The following COL14A1 variants were observed in gnomAD, a reference collection of about 807,000 sequenced individuals.
COL14A1 encodes the protein collagen type XIV alpha 1 chain.
Under a neutral mutation model 230.3 loss-of-function variants are expected in COL14A1, and 136 were observed. That is an observed-to-expected ratio of 0.59 (90% CI 0.51 to 0.68). The LOEUF (loss-of-function observed/expected upper bound fraction) is 0.68. Ranked by LOEUF, COL14A1 falls within the 30% of genes least tolerant of loss-of-function variation. The probability of loss-of-function intolerance (pLI) is 0.00; values close to 1 mark genes in which losing one functional copy is unlikely to be tolerated. For missense variants in COL14A1, 1,976 were observed against 2,215.8 expected (o/e 0.89, Z 2.17); for synonymous variants, 792 against 784.1 (o/e 1.01, Z -0.17).
chr8:120,240,526 A>G (rs1462392456), intron 19 of COL14A1, among the ~76,000 whole-genome samples: 1 of 152,176 alleles, frequency 6.6e-6, no homozygotes, highest in Non-Finnish European at 1.5e-5. Context: ...ATAATAATGT[A>G]TGGCGCAGAA....
Position 120,276,866 on chromosome 8 carries a change from T to TA in COL14A1, c.3214-1239dup, listed in dbSNP as rs1158235431. 5.9e-5 allele frequency among the ~76,000 whole-genome samples: 9 copies of TA among 151,688 alleles called. 1 individual carries two copies. In the East Asian group the frequency reaches 1.5e-3, roughly 26 times the overall value. Reference sequence around the variant, plus strand: ...AAAAAATAAAATAAAATTAGGTTATTAAAAAAGAGGAGAATAGGTAACATG... The same window carrying TA: ...AAAAAATAAAATAAAATTAGGTTATTAAAAAAAGAGGAGAATAGGTAACATG... On this transcript the variant is annotated intron_variant, in intron 26 of 47. Coordinates refer to ENST00000297848, the MANE Select transcript of COL14A1 (RefSeq NM_021110.4).
intron 13 of COL14A1, among the ~76,000 whole-genome samples, chr8:120,215,222 C>T (rs1817714907): frequency 6.6e-6 from 1 of 152,042 alleles, no homozygotes; most frequent in Admixed American, 6.6e-5. Flanking sequence ...AATATAAAAA[C>T]TAGCAAGGTG....
chr8:120,184,224 GATTTATTT>G (rs10689956), intron 5 of COL14A1, among the ~76,000 whole-genome samples: 42,326 of 135,356 alleles, frequency 0.31, 6,939 homozygotes, highest in Admixed American at 0.43. Context: ...GGGGGGAAGA[GATTTATTT>G]ATTTATTTAT....
intron 4 of COL14A1, among the ~76,000 whole-genome samples, chr8:120,166,878 G>GTGTGTGTGTA (rs2130569849): frequency 1.0e-5 from 1 of 99,700 alleles, no homozygotes; most frequent in East Asian, 3.3e-4. Context: ...GAATTTAAGT[G>GTGTGTGTGTA]TGTGTGTGTG....
intron 9 of COL14A1, among the ~76,000 whole-genome samples, chr8:120,205,298 A>T (rs1483328776): frequency 6.6e-6 from 1 of 152,086 alleles, no homozygotes; most frequent in Non-Finnish European, 1.5e-5. Flanking sequence ...TATGAGTAAA[A>T]GGAAGTGGGA....
intron 32 of COL14A1, among the ~76,000 whole-genome samples, chr8:120,284,380 C>T (rs1254183653): frequency 6.6e-6 from 1 of 152,162 alleles, no homozygotes; most frequent in African/African-American, 2.4e-5. Flanking sequence ...GCTTCTTAAC[C>T]TTGTGCTCTT....
At chr8:120,242,528 A>G (rs1244822762) in intron 19 of COL14A1, among the ~76,000 whole-genome samples, 1 of 152,214 alleles carries the variant, frequency 6.6e-6, no homozygotes, top group Non-Finnish European at 1.5e-5. Context: ...TACATTTAAG[A>G]GAAACACCCT....
At chr8:120,367,461 G>T (rs1475681938) in intron 46 of COL14A1, among the ~76,000 whole-genome samples, 1 of 152,162 alleles carries the variant, frequency 6.6e-6, no homozygotes, top group Non-Finnish European at 1.5e-5. Context: ...TATTGTTTGT[G>T]TGAGTTGCGA....
intron 5 of COL14A1, among the ~76,000 whole-genome samples, chr8:120,172,260 C>T (rs148756153): frequency 4.5e-4 from 68 of 152,200 alleles, no homozygotes; most frequent in African/African-American, 1.5e-3. Flanking sequence ...TAATGAGTCT[C>T]CTGCCTCAGC....
At chr8:120,194,092 A>T (rs1216746993) in intron 5 of COL14A1, among the ~76,000 whole-genome samples, 1 of 152,180 alleles carries the variant, frequency 6.6e-6, no homozygotes, top group Non-Finnish European at 1.5e-5. Context: ...CCCTAGTGGG[A>T]TGAACCCGGT....
intron 2 of COL14A1, among the ~76,000 whole-genome samples, chr8:120,152,204 G>A (rs2130490419): frequency 6.6e-6 from 1 of 152,098 alleles, no homozygotes; most frequent in Non-Finnish European, 1.5e-5. Context: ...GCTCACGTCT[G>A]TAATCCCAGC....
At chr8:120,291,798 T>C (rs909892184) in intron 34 of COL14A1, among the ~76,000 whole-genome samples, 2 of 152,082 alleles carry the variant, frequency 1.3e-5, no homozygotes, top group Non-Finnish European at 2.9e-5. Context: ...CTTCTAGCAC[T>C]TGATTATTGA....
intron 36 of COL14A1, among the ~76,000 whole-genome samples, chr8:120,308,550 T>C (rs1467729606): frequency 5.3e-5 from 8 of 152,224 alleles, no homozygotes; most frequent in African/African-American, 1.7e-4. Context: ...TTTGTATAGA[T>C]ATAGATGCAC....
chr8:120,145,259 G>A (rs558037551), intron 1 of COL14A1, among the ~76,000 whole-genome samples: 73 of 152,160 alleles, frequency 4.8e-4, no homozygotes, highest in Non-Finnish European at 7.9e-4. Flanking sequence ...TGAGATGCAG[G>A]TGGAAGTGGA....
At chr8:120,233,808 T>C (rs925047157) in intron 19 of COL14A1, among the ~76,000 whole-genome samples, 2 of 152,240 alleles carry the variant, frequency 1.3e-5, no homozygotes, top group African/African-American at 4.8e-5. Context: ...TGGACTCTTT[T>C]TTGGTTCCAT....
chr8:120,171,398 T>A (rs1816090466), intron 5 of COL14A1, among the ~76,000 whole-genome samples: 1 of 152,214 alleles, frequency 6.6e-6, no homozygotes, highest in Non-Finnish European at 1.5e-5. Context: ...AGACCTTCTC[T>A]GTGTATCCAC....
At chr8:120,137,149 A>T (rs781543867) in intron 1 of COL14A1, among the ~76,000 whole-genome samples, 1 of 152,102 alleles carries the variant, frequency 6.6e-6, no homozygotes, top group Non-Finnish European at 1.5e-5. Flanking sequence ...TTTAATAGAT[A>T]TAGGGCTATT....
intron 24 of COL14A1, among the ~76,000 whole-genome samples, chr8:120,266,407 G>A (rs533214341): frequency 1.4e-5 from 2 of 146,396 alleles, no homozygotes; most frequent in South Asian, 4.1e-4. Context: ...CCTGGGGGAT[G>A]CAGGATGGAA....
At chr8:120,222,729 TG>T (rs1317932914) in intron 14 of COL14A1, among the ~76,000 whole-genome samples, 1 of 152,058 alleles carries the variant, frequency 6.6e-6, no homozygotes, top group African/African-American at 2.4e-5. Context: ...ACAGTTTTTT[TG>T]GTGCCTTCAT....
Sources: allele counts gnomAD v4.1 joint callset (sites outside exome capture counted in the v4.1 genomes callset), GRCh38; gene constraint gnomAD v4.1.1; transcripts MANE v1.5; gene names NCBI Gene and HGNC (gene_info 2026-07-23, HGNC 2026-07-21).